Variants in MAPK8IP3 observed in about 807,000 individuals in gnomAD.
The protein encoded by MAPK8IP3 is C-Jun-amino-terminal kinase-interacting protein 3.
Under a neutral mutation model 157.8 loss-of-function variants are expected in MAPK8IP3, and 49 were observed. The ratio of observed to expected loss-of-function variants is 0.31; its 90% confidence interval spans 0.25 to 0.39. MAPK8IP3 has a LOEUF of 0.39. Ranked by LOEUF, MAPK8IP3 falls within the 10% of genes least tolerant of loss-of-function variation. MAPK8IP3 has a pLI of 1.00. For missense variants in MAPK8IP3, 1,478 were observed against 1,889.4 expected (o/e 0.78, Z 4.04); for synonymous variants, 897 against 777.7 (o/e 1.15, Z -2.55).
At position 1,767,906 on chromosome 16, in the gene MAPK8IP3, C is replaced by G; in HGVS notation, c.3511C>G (p.Pro1171Ala). 6.2e-7 allele frequency: 1 copy of G among 1,611,144 alleles called. No individual in the cohort carries two copies. The highest frequency in any genetic ancestry group is 8.5e-7 in the Non-Finnish European group (1 of 1,179,836). Reference protein sequence around the residue: ...GTGNGVVISIPLTETVVLHRG... With the variant: ...GTGNGVVISIALTETVVLHRG... ...CGGCAACGGAGTGGTCATCTCCATCCCCCTGACAGAGAGTGAGTGGCCTGC... is the reference window on the plus strand; with the variant it reads ...CGGCAACGGAGTGGTCATCTCCATCGCCCTGACAGAGAGTGAGTGGCCTGC... Residue 1171 changes from proline to alanine, a missense_variant, in exon 28 of 32, where the codon CCC becomes GCC. Physicochemically the swap from Pro to Ala is conservative, Grantham distance 27 (BLOSUM62 -1). This residue lies in a region of MAPK8IP3 where 83 missense variants were observed against 85.3 expected (regional missense o/e 0.97). Coordinates refer to ENST00000610761, the MANE Select transcript of MAPK8IP3 (RefSeq NM_001318852.2).
chr16:1,763,040 A>G lies in MAPK8IP3; in HGVS notation c.1898+34A>G, dbSNP rs752747554. The G allele has an allele frequency of 1.9e-6, 3 of 1,610,946 alleles. No individual in the cohort carries two copies. The East Asian group carries it at 6.7e-5, about 36-fold the overall frequency. On this transcript the variant is annotated intron_variant, in intron 16 of 31. Transcript: ENST00000610761. ...CCCGCAGCCCCCACTTGTGGCCTGCAATGGGGTTGGGGAGGCCCTGTCCTG... is the reference window on the plus strand; with the variant it reads ...CCCGCAGCCCCCACTTGTGGCCTGCGATGGGGTTGGGGAGGCCCTGTCCTG...
Position 1,764,197 on chromosome 16 carries a change from A to G in MAPK8IP3, c.2108A>G (p.Asp703Gly). 5 of 1,611,070 alleles carry G rather than the reference A, an allele frequency of 3.1e-6. No homozygotes were observed. The highest frequency in any genetic ancestry group is 4.2e-6 in the Non-Finnish European group (5 of 1,179,274). Reference protein sequence around the residue: ...PVYCRPLVEKDPTMKLWCAAG... With the variant: ...PVYCRPLVEKGPTMKLWCAAG... ...TACTGCCGCCCTCTGGTGGAGAAGG[A>G]CCCCACCATGAAGGTGAGCCCGCGA... The change falls in exon 18 of 32, where the codon GAC becomes GGC. Residue 703 changes from aspartate to glycine, a missense_variant. Transcript: ENST00000610761.
chr16:1,740,492 C>T (rs1319797670), intron 4 of MAPK8IP3, among the ~76,000 whole-genome samples: 5 of 152,284 alleles, frequency 3.3e-5, no homozygotes, highest in Non-Finnish European at 7.4e-5. Context: ...TCTGTGTGAC[C>T]GTCCATATGA....
At chr16:1,736,077 TGTGAGA>T (rs1479052456) in intron 4 of MAPK8IP3, among the ~76,000 whole-genome samples, 6 of 107,560 alleles carry the variant, frequency 5.6e-5, no homozygotes, top group South Asian at 9.5e-4. Flanking sequence ...TGACCATCCG[TGTGAGA>T]GTGTGACCGT....
At chr16:1,757,961 C>T (rs1261509127) in intron 8 of MAPK8IP3, among the ~76,000 whole-genome samples, 187 bp from the exon 9 acceptor site, 3 of 152,268 alleles carry the variant, frequency 2.0e-5, no homozygotes, top group Non-Finnish European at 4.4e-5. Context: ...CCCTGCAGGC[C>T]TCTGCCTGGG....
In MAPK8IP3 at chr16:1,765,992, A is replaced by T; in HGVS notation, c.2479A>T (p.Met827Leu). 1 of 1,612,562 alleles carries T rather than the reference A, an allele frequency of 6.2e-7. No homozygotes were observed. Among genetic ancestry groups the T allele is most frequent in the Non-Finnish European group, 8.5e-7 (1 of 1,179,858 alleles). Residue 827 changes from methionine (M) to leucine (L), a missense_variant, in exon 21 of 32, where the codon ATG becomes TTG. Physicochemically the swap from Met to Leu is conservative, Grantham distance 15. Transcript: ENST00000610761. ...ASDSDYPPGEMFLDSDVNPED... is the reference protein window; with the variant it reads ...ASDSDYPPGELFLDSDVNPED... ...CGACAGCGACTACCCTCCCGGGGAG[A>T]TGTTCCTGGACAGCGACGTGAACCC...
intron 2 of MAPK8IP3, among the ~76,000 whole-genome samples, chr16:1,725,484 G>A (rs556013562): frequency 7.9e-5 from 12 of 151,570 alleles, no homozygotes; most frequent in East Asian, 4.0e-4. Flanking sequence ...AAAATTACCC[G>A]GGCATGGTGG....
rs1380279482 is a variant in MAPK8IP3, at chr16:1,742,406, G to T, written c.603-926G>T. Among the ~76,000 whole-genome samples, 1 of 152,188 alleles carries T rather than the reference G, an allele frequency of 6.6e-6. No homozygotes were observed. The highest frequency in any genetic ancestry group is 1.5e-5 in the Non-Finnish European group (1 of 68,022). Reference sequence around the variant, plus strand: ...TTGCCAGGCTGTCCGAGGCCAGGCTGTCCCAGGGTCCGTCTTCAGGTTCGG... The same window carrying T: ...TTGCCAGGCTGTCCGAGGCCAGGCTTTCCCAGGGTCCGTCTTCAGGTTCGG... On this transcript the variant is annotated intron_variant, in intron 4 of 31. Coordinates refer to ENST00000610761, the MANE Select transcript of MAPK8IP3 (RefSeq NM_001318852.2). This position sits in a 1 kb window ranked among gnomAD's most constrained non-coding sequence, Gnocchi z 5.0.
intron 1 of MAPK8IP3, among the ~76,000 whole-genome samples, chr16:1,721,732 C>T (rs925019324): frequency 6.6e-6 from 1 of 152,148 alleles, no homozygotes; most frequent in African/African-American, 2.4e-5. Flanking sequence ...TGAGCCACCG[C>T]TCCGGGCCTA....
At chr16:1,739,816 GTGTGAGCA>G (rs2040520367) in intron 4 of MAPK8IP3, among the ~76,000 whole-genome samples, 1 of 120,162 alleles carries the variant, frequency 8.3e-6, no homozygotes, top group Non-Finnish European at 1.7e-5. Flanking sequence ...CCGTGTGAGC[GTGTGAGCA>G]TCCGTGTGAC....
At chr16:1,752,475 A>C (rs1211591991) in intron 8 of MAPK8IP3, 1 of 364,100 alleles carries the variant, frequency 2.7e-6, no homozygotes, top group Non-Finnish European at 5.4e-6. Context: ...AGGCACAGTC[A>C]CTCACACCTG....
intron 4 of MAPK8IP3, among the ~76,000 whole-genome samples, chr16:1,738,962 CTG>C (rs1337817576): frequency 3.7e-5 from 5 of 133,888 alleles, no homozygotes; most frequent in Non-Finnish European, 7.9e-5. Context: ...ATGTGAGCAT[CTG>C]TGTGACCGTC....
intron 4 of MAPK8IP3, among the ~76,000 whole-genome samples, chr16:1,736,935 CGT>C (rs1449528321): frequency 2.4e-5 from 1 of 42,100 alleles, no homozygotes; most frequent in African/African-American, 9.6e-5. Flanking sequence ...TGTGAGCATC[CGT>C]GACCGTCCAT....
intron 8 of MAPK8IP3, among the ~76,000 whole-genome samples, chr16:1,756,273 C>T (rs2041593471): frequency 6.6e-6 from 1 of 152,244 alleles, no homozygotes; most frequent in African/African-American, 2.4e-5. Flanking sequence ...GTGGCTCATG[C>T]CTGCCAAGGC....
At position 1,715,502 on chromosome 16, in the gene MAPK8IP3, C is replaced by T. The variant is rs116988030; in HGVS notation, c.318+8845C>T. On this transcript the variant is annotated intron_variant, in intron 1 of 31. Coordinates refer to ENST00000610761, the MANE Select transcript of MAPK8IP3 (RefSeq NM_001318852.2). ...AGCCATGAAGGGCATCTGCCAGGCA[C>T]GTGCCCGGCACCTGTCTGCCTGCTT... is the stretch of plus-strand genomic sequence containing the variant. Among the ~76,000 whole-genome samples, 52 of 152,276 alleles carry T rather than the reference C, an allele frequency of 3.4e-4. No individual in the cohort carries two copies. The East Asian group carries it at 6.8e-3, about 20-fold the overall frequency.
In MAPK8IP3 at chr16:1,762,881, G is replaced by A. The variant is rs201102226; in HGVS notation, c.1773G>A (p.Lys591=). ...FSSSSSPPPA[K]RPYPSVNIHY... ...CTTCCTCCAGCCCCCCTCCGGCCAA[G>A]CGCCCCTATCCCTCGGTGAACATCC... is the stretch of plus-strand genomic sequence containing the variant. The change falls in exon 16 of 32, where the codon AAG becomes AAA. Residue 591 remains lysine, a synonymous_variant. Transcript: ENST00000610761. 9.3e-6 allele frequency: 15 copies of A among 1,613,092 alleles called. 1 individual carries two copies. The African/African-American group carries it at 9.3e-5, about 10-fold the overall frequency.
chr16:1,768,769 C>T lies in MAPK8IP3; in HGVS notation c.3959C>T (p.Ser1320Phe). Residue 1320 changes from serine (S) to phenylalanine (F), a missense_variant, in exon 32 of 32, where the codon TCC (serine) becomes TTC (phenylalanine). Coordinates refer to ENST00000610761, the MANE Select transcript of MAPK8IP3 (RefSeq NM_001318852.2). ...ATGAGCCAGGTGAAGCCCGTGCTGT[C>T]CAAGGCAGAGCGCAGTCACATCATC... ...GDMSQVKPVL[S>F]KAERSHIIVW... 2 of 1,612,758 alleles carry T rather than the reference C, an allele frequency of 1.2e-6. No homozygotes were observed. The highest frequency in any genetic ancestry group is 1.7e-6 in the Non-Finnish European group (2 of 1,179,850).
At chr16:1,767,436 G>C in intron 26 of MAPK8IP3, 128 bp from the exon 27 acceptor site, 1 of 1,501,602 alleles carries the variant, frequency 6.7e-7, no homozygotes, top group East Asian at 2.3e-5. Flanking sequence ...GGCTCGAACA[G>C]GCGCAAAGCA....
chr16:1,748,333 C>T lies in MAPK8IP3; in HGVS notation c.1084C>T (p.Arg362Cys), dbSNP rs1012235118. The T allele has an allele frequency of 1.9e-5, 30 of 1,613,432 alleles. No individual in the cohort carries two copies. The highest frequency in any genetic ancestry group is 5.5e-5 in the South Asian group (5 of 91,086). ...LDMCPETRLD[R>C]TGSSPTQGIV... is the part of the protein sequence containing the mutation. ...CATGTGTCCAGAGACCCGCCTGGAC[C>T]GCACAGGAAGCAGGTACTGGCTCAG... The change falls in exon 7 of 32, where the codon CGC becomes TGC. Residue 362 changes from arginine to cysteine, a missense_variant. Around this residue, in one of 11 missense-constraint regions of MAPK8IP3, gnomAD observed 315 missense variants for 394.4 expected, o/e 0.80. Coordinates refer to ENST00000610761, the MANE Select transcript of MAPK8IP3 (RefSeq NM_001318852.2).
Sources: gnomAD v4.1 joint callset for allele counts (sites outside exome capture counted in the v4.1 genomes callset) on GRCh38, gnomAD v4.1.1 for gene constraint, gnomAD v4.1.1 regional missense constraint, Gnocchi (gnomAD v3.1) non-coding constraint, MANE v1.5 for transcripts, NCBI Gene and HGNC (gene_info 2026-07-23, HGNC 2026-07-21) for gene names.